The following ALG13 variants were observed in gnomAD, a reference collection of about 807,000 sequenced individuals.
ALG13 encodes the protein UDP-N-acetylglucosamine transferase subunit ALG13.
In ALG13, 11 loss-of-function variants were observed where a neutral mutation model predicts 87.8. The observed-to-expected ratio is 0.13, with a 90% CI of 0.08 to 0.21. ALG13 has a LOEUF of 0.21. Ranked by LOEUF, ALG13 falls within the 10% of genes least tolerant of loss-of-function variation. ALG13 has a pLI of 1.00. For synonymous variants in ALG13, 320 were observed against 306.3 expected (o/e 1.04, Z -0.47); for missense variants, 756 against 866.1 (o/e 0.87, Z 1.60).
At chrX:111,749,102 A>C (rs1458215438) in intron 24 of ALG13, among the ~76,000 whole-genome samples, 2 of 111,341 alleles carry the variant, frequency 1.8e-5, no homozygotes, top group African/African-American at 6.5e-5. Context: ...AAAAACAAAA[A>C]AAACAACAAA....
At position 111,685,341 on chromosome X, in the gene ALG13, G is replaced by GT. The variant is rs199523048; in HGVS notation, c.383+239dup. On this transcript the variant is annotated intron_variant, in intron 3 of 26. Coordinates refer to ENST00000394780, the MANE Select transcript of ALG13 (RefSeq NM_001099922.3). ...TTTGCATATGTGAATATCTGAGAGA[G>GT]TGTGTGTATGTGTGTTTATTTAGGC... The GT allele has an allele frequency of 0.015, 4,177 of 275,689 alleles. 155 individuals carry two copies. Among genetic ancestry groups the GT allele is most frequent in the African/African-American group, 0.11 (3,795 of 35,533 alleles). 22.7% of individuals were successfully genotyped at this position (275,689 alleles called of 1,213,427 possible). A position where few individuals can be genotyped will look rare whatever the true frequency, so the allele number is the denominator to read the frequency against.
chrX:111,716,936 T>G (rs1157429372), intron 8 of ALG13: 1 of 110,208 alleles, frequency 9.1e-6, no homozygotes, highest in African/African-American at 3.3e-5. Context: ...GACATTTTTT[T>G]TTGTTTTTTT....
intron 3 of ALG13, chrX:111,688,433 A>G: frequency 4.0e-6 from 3 of 748,516 alleles, no homozygotes; most frequent in Non-Finnish European, 4.7e-6. Context: ...AACCAAATTT[A>G]AAAAATGATG....
In ALG13 at chrX:111,718,272, T is replaced by C; in HGVS notation, c.1248T>C (p.Asn416=). The C allele has an allele frequency of 8.4e-7, 1 of 1,184,217 alleles. No individual in the cohort carries two copies. Residue 416 remains asparagine (N), a splice_region_variant and synonymous_variant, in exon 10 of 27, where the codon AAT becomes AAC. Coordinates refer to ENST00000394780, the MANE Select transcript of ALG13 (RefSeq NM_001099922.3). ...AHTDYKSSNQ[N]RMEEWGACYN... The stretch of plus-strand genomic sequence containing the variant: ...CTGATTACAAGAGTTCAAATCAGAA[T>C]AGGTAATAAAGGGAAAGGGGATATC...
At chrX:111,686,875 A>G (rs1334419189) in intron 3 of ALG13, among the ~76,000 whole-genome samples, 2 of 112,501 alleles carry the variant, frequency 1.8e-5, no homozygotes, top group Non-Finnish European at 3.7e-5. Flanking sequence ...ACAGTTTTAA[A>G]TGTCTTTTTT....
chrX:111,750,656 CTTAT>C (rs767738920), intron 24 of ALG13, among the ~76,000 whole-genome samples: 1,284 of 108,807 alleles, frequency 0.012, 14 homozygotes, highest in African/African-American at 0.032. Flanking sequence ...TGTTTATTTA[CTTAT>C]TTATTTATTT....
At chrX:111,709,697 T>C (rs1939398644) in intron 5 of ALG13, among the ~76,000 whole-genome samples, 1 of 111,037 alleles carries the variant, frequency 9.0e-6, no homozygotes, top group Non-Finnish European at 1.9e-5. Flanking sequence ...TTTTTTTTTT[T>C]TTAAACACTT....
rs188487746 is a variant in ALG13 at position 111,681,212 on chromosome X, C to T, written c.-7C>T. Reference sequence around the variant, plus strand: ...CCCTTGCGATCAGGGCTTGAGGAACCCGCGCCATGAAGTGCGTGTTTGTTA... The same window carrying T: ...CCCTTGCGATCAGGGCTTGAGGAACTCGCGCCATGAAGTGCGTGTTTGTTA... On this transcript the variant is annotated 5_prime_UTR_variant, in exon 1 of 27. Transcript: ENST00000394780. 3.3e-4 allele frequency: 398 copies of T among 1,209,650 alleles called. 1 individual carries two copies. Among genetic ancestry groups the T allele is most frequent in the Non-Finnish European group, 2.9e-4 (261 of 894,220 alleles).
intron 23 of ALG13, among the ~76,000 whole-genome samples, chrX:111,740,037 G>A (rs1181109252): frequency 9.0e-6 from 1 of 111,414 alleles, no homozygotes; most frequent in Non-Finnish European, 1.9e-5. Context: ...CATAAGACGT[G>A]ATGGTAAGTA....
intron 23 of ALG13, among the ~76,000 whole-genome samples, chrX:111,742,706 C>G (rs1943868230): frequency 8.9e-6 from 1 of 112,173 alleles, no homozygotes; most frequent in Admixed American, 9.4e-5. Flanking sequence ...AAATTTTGCA[C>G]TGGAGCATCT....
At chrX:111,714,741 T>C (rs1265536251) in intron 8 of ALG13, among the ~76,000 whole-genome samples, 1 of 111,800 alleles carries the variant, frequency 8.9e-6, no homozygotes. Flanking sequence ...TTATCACATA[T>C]CTATTCCTCG....
At chrX:111,725,758 A>T (rs1941923753) in intron 15 of ALG13, among the ~76,000 whole-genome samples, 1 of 112,053 alleles carries the variant, frequency 8.9e-6, no homozygotes, top group South Asian at 3.7e-4. Flanking sequence ...AAATTAATTT[A>T]AAAAACTTAA....
chrX:111,747,479 A>G (rs1356973007), intron 24 of ALG13, among the ~76,000 whole-genome samples: 1 of 111,592 alleles, frequency 9.0e-6, no homozygotes, highest in Non-Finnish European at 1.9e-5. Context: ...TCCATATGCA[A>G]GTTTTTTTGT....
chrX:111,727,152 T>C, intron 16 of ALG13, 97 bp downstream of exon 16: 1 of 1,036,623 alleles, frequency 9.6e-7, no homozygotes, highest in Non-Finnish European at 1.3e-6. Context: ...TGAGGGTCTC[T>C]GTGACATACA....
intron 23 of ALG13, among the ~76,000 whole-genome samples, chrX:111,743,130 A>G (rs956105926): frequency 8.0e-5 from 9 of 111,844 alleles, no homozygotes; most frequent in African/African-American, 2.6e-4. Context: ...AGCCACTTCT[A>G]TGTCTTGGTT....
At chrX:111,712,424 A>T in intron 6 of ALG13, 60 bp from the exon 7 acceptor site, 1 of 863,885 alleles carries the variant, frequency 1.2e-6, no homozygotes, top group Non-Finnish European at 1.6e-6. Context: ...GTTGTGCTTG[A>T]AAAAACTACC....
chrX:111,732,419 C>T (rs950120035), intron 21 of ALG13, among the ~76,000 whole-genome samples: 1 of 112,189 alleles, frequency 8.9e-6, no homozygotes, highest in Non-Finnish European at 1.9e-5. Context: ...TAGTTCAATG[C>T]GAGTTGGCAG....
intron 8 of ALG13, among the ~76,000 whole-genome samples, chrX:111,715,351 G>C (rs1007941344): frequency 3.8e-4 from 43 of 112,068 alleles, no homozygotes; most frequent in Non-Finnish European, 7.3e-4. Flanking sequence ...TTTATTTTGT[G>C]ATGCTTTGCT....
intron 23 of ALG13, among the ~76,000 whole-genome samples, chrX:111,739,269 A>G (rs1030611815): frequency 1.8e-5 from 2 of 111,885 alleles, no homozygotes; most frequent in African/African-American, 6.5e-5. Flanking sequence ...TTTACTCACT[A>G]TCACAAGAAC....
Sources: gnomAD v4.1 joint callset for allele counts (sites outside exome capture counted in the v4.1 genomes callset) on GRCh38, gnomAD v4.1.1 for gene constraint, MANE v1.5 for transcripts, NCBI Gene and HGNC (gene_info 2026-07-23, HGNC 2026-07-21) for gene names.